The following TAFA1 variants were observed in gnomAD, a reference collection of about 807,000 sequenced individuals.
TAFA1 encodes TAFA chemokine like family member 1.
Under a neutral mutation model 18.5 loss-of-function variants are expected in TAFA1, and 4 were observed. The ratio of observed to expected loss-of-function variants is 0.22; its 90% confidence interval spans 0.11 to 0.49. TAFA1 has a LOEUF of 0.49. TAFA1 is among the 20% of genes least tolerant of loss of function. The pLI is 0.98. For missense variants in TAFA1, 147 were observed against 169.0 expected (o/e 0.87, Z 0.72); for synonymous variants, 56 against 55.2 (o/e 1.01, Z -0.06).
chr3:68,305,860 C>T (rs2068409121), intron 2 of TAFA1, among the ~76,000 whole-genome samples: 1 of 152,138 alleles, frequency 6.6e-6, no homozygotes, highest in Non-Finnish European at 1.5e-5. Context: ...TTGGTGACTC[C>T]ACACCTCATT....
chr3:68,426,620 A>G (rs1180719738), intron 3 of TAFA1, among the ~76,000 whole-genome samples: 1 of 151,902 alleles, frequency 6.6e-6, no homozygotes, highest in Non-Finnish European at 1.5e-5. Context: ...GACTTAAGGA[A>G]GAAAGACAAA....
intron 2 of TAFA1, among the ~76,000 whole-genome samples, chr3:68,318,996 A>AAATGATTCT (rs1331426977): frequency 6.6e-6 from 1 of 152,180 alleles, no homozygotes; most frequent in Non-Finnish European, 1.5e-5. Context: ...TTTTATTTAG[A>AAATGATTCT]AATGATTCTT....
At chr3:68,421,744 A>G (rs564488078) in intron 3 of TAFA1, among the ~76,000 whole-genome samples, 131 of 152,176 alleles carry the variant, frequency 8.6e-4, no homozygotes, top group African/African-American at 3.0e-3. Context: ...TTTTTGCACA[A>G]TGTCTGACTC....
chr3:68,027,437 C>A (rs1365763995), intron 2 of TAFA1, among the ~76,000 whole-genome samples: 2 of 152,060 alleles, frequency 1.3e-5, no homozygotes, highest in African/African-American at 4.8e-5. Context: ...CTGGACTGTC[C>A]CTTTTCCAGG....
chr3:68,080,296 G>A (rs916583829), intron 2 of TAFA1, among the ~76,000 whole-genome samples: 5 of 152,080 alleles, frequency 3.3e-5, no homozygotes, highest in African/African-American at 9.7e-5. Flanking sequence ...TTTAATTGGA[G>A]CATTTAGTCC....
intron 2 of TAFA1, among the ~76,000 whole-genome samples, chr3:68,392,969 A>G (rs1344069453): frequency 2.0e-5 from 3 of 152,172 alleles, no homozygotes; most frequent in Non-Finnish European, 4.4e-5. Flanking sequence ...GAGCAAACAA[A>G]TTCACAAGCT....
intron 2 of TAFA1, among the ~76,000 whole-genome samples, chr3:68,082,561 T>A (rs777189854): frequency 2.9e-4 from 44 of 152,212 alleles, no homozygotes; most frequent in Non-Finnish European, 5.3e-4. Context: ...AATGGACAAA[T>A]GCATAGTACT....
At chr3:68,233,806 A>AT (rs1163485986) in intron 2 of TAFA1, among the ~76,000 whole-genome samples, 1 of 152,058 alleles carries the variant, frequency 6.6e-6, no homozygotes, top group African/African-American at 2.4e-5. Context: ...GAAGGACCTT[A>AT]TTTTTTTAAT....
chr3:68,422,549 A>G (rs1478021632), intron 3 of TAFA1, among the ~76,000 whole-genome samples: 2 of 152,150 alleles, frequency 1.3e-5, no homozygotes, highest in Non-Finnish European at 2.9e-5. Flanking sequence ...CATATATTGG[A>G]TTGCTTTAAG....
intron 2 of TAFA1, among the ~76,000 whole-genome samples, chr3:68,284,830 G>A (rs2067966437): frequency 6.6e-6 from 1 of 152,060 alleles, no homozygotes; most frequent in Non-Finnish European, 1.5e-5. Context: ...CCTAGCTACT[G>A]GGGAAGCTGA....
intron 2 of TAFA1, among the ~76,000 whole-genome samples, chr3:68,311,008 G>A (rs1349012849): frequency 1.3e-5 from 2 of 152,246 alleles, no homozygotes; most frequent in South Asian, 2.1e-4. Context: ...CACATGGCTG[G>A]GGAGGCCTCA....
intron 2 of TAFA1, among the ~76,000 whole-genome samples, chr3:68,358,251 T>C (rs2106788205): frequency 6.6e-6 from 1 of 152,118 alleles, no homozygotes; most frequent in East Asian, 1.9e-4. Flanking sequence ...ATTCTAGTTC[T>C]ATTGATTTTT....
intron 2 of TAFA1, among the ~76,000 whole-genome samples, chr3:68,070,822 G>C (rs1489716235): frequency 6.6e-6 from 1 of 152,146 alleles, no homozygotes; most frequent in East Asian, 1.9e-4. Flanking sequence ...CAGTCTCTTT[G>C]CTAAAATGTA....
chr3:68,414,288 CAGG>C (rs1357209625), intron 2 of TAFA1, among the ~76,000 whole-genome samples: 1 of 152,098 alleles, frequency 6.6e-6, no homozygotes, highest in Admixed American at 6.5e-5. Flanking sequence ...GCCTAGGCAA[CAGG>C]AGCGAAACGC....
intron 2 of TAFA1, among the ~76,000 whole-genome samples, chr3:68,344,142 A>G (rs114409291): frequency 2.6e-3 from 391 of 152,188 alleles, no homozygotes; most frequent in African/African-American, 8.8e-3. Flanking sequence ...AAAAGATTTT[A>G]TTATATTTTT....
chr3:68,200,275 G>A (rs1414948425), intron 2 of TAFA1, among the ~76,000 whole-genome samples: 1 of 151,716 alleles, frequency 6.6e-6, no homozygotes, highest in Non-Finnish European at 1.5e-5. Flanking sequence ...GTTCATGAGA[G>A]ATATTGGTCT....
intron 2 of TAFA1, among the ~76,000 whole-genome samples, chr3:68,020,662 A>G (rs1174542068): frequency 2.0e-5 from 3 of 152,158 alleles, no homozygotes; most frequent in Non-Finnish European, 2.9e-5. Context: ...AAGTTTTACA[A>G]CTTGGACTTA....
chr3:68,041,997 A>T (rs1333958639), intron 2 of TAFA1, among the ~76,000 whole-genome samples: 1 of 152,168 alleles, frequency 6.6e-6, no homozygotes, highest in Non-Finnish European at 1.5e-5. Flanking sequence ...CATATTGTTC[A>T]ACAATTTTGC....
chr3:68,099,279 G>C (rs977769557), intron 2 of TAFA1, among the ~76,000 whole-genome samples: 2 of 152,122 alleles, frequency 1.3e-5, no homozygotes, highest in African/African-American at 4.8e-5. Flanking sequence ...CTAATATCCA[G>C]AATCTATCAG....
Sources: allele counts gnomAD v4.1 joint callset (sites outside exome capture counted in the v4.1 genomes callset), GRCh38; gene constraint gnomAD v4.1.1; transcripts MANE v1.5; gene names NCBI Gene and HGNC (gene_info 2026-07-23, HGNC 2026-07-21).